Variants in ANKFN1 observed in about 807,000 individuals in gnomAD.
ANKFN1 encodes the protein ankyrin repeat and fibronectin type III domain containing 1.
ANKFN1 carries 74 observed loss-of-function variants against 108.7 expected under a neutral mutation model. The observed-to-expected ratio is 0.68, with a 90% CI of 0.56 to 0.83. The LOEUF (loss-of-function observed/expected upper bound fraction) is 0.83, where lower values mean the gene tolerates loss of function less well. Among genes scored for constraint, ANKFN1 ranks in the 40% least tolerant of loss-of-function variants. ANKFN1 has a pLI of 0.00. For synonymous variants in ANKFN1, 547 were observed against 516.2 expected (o/e 1.06, Z -0.81); for missense variants, 1,505 against 1,382.3 (o/e 1.09, Z -1.41).
intron 1 of ANKFN1, among the ~76,000 whole-genome samples, chr17:56,206,210 A>G (rs914098018): frequency 6.6e-6 from 1 of 152,130 alleles, no homozygotes; most frequent in Non-Finnish European, 1.5e-5. Context: ...TTTTGTCTGT[A>G]TATAGTATTT....
intron 14 of ANKFN1, among the ~76,000 whole-genome samples, chr17:56,465,247 C>T (rs533915247): frequency 6.6e-6 from 1 of 152,070 alleles, no homozygotes; most frequent in Admixed American, 6.5e-5. Flanking sequence ...ATTAGGCCAT[C>T]GCAAAAAAAT....
At position 56,354,015 on chromosome 17, in the gene ANKFN1, T is replaced by C. The variant is rs1446892600; in HGVS notation, c.570T>C (p.Leu190=). The C allele has an allele frequency of 2.5e-6, 4 of 1,613,842 alleles. No homozygotes were observed. Among genetic ancestry groups the C allele is most frequent in the Non-Finnish European group, 3.4e-6 (4 of 1,179,962 alleles). Residue 190 remains leucine (L), a synonymous_variant, in exon 6 of 21, where the codon CTT becomes CTC. Transcript: ENST00000682825. The part of the protein sequence containing the change: ...MTNNVPIARI[L]LRTGARESPH... ...ACAATGTGCCCATTGCAAGGATTCT[T>C]CTGAGGACAGGGGCCCGAGAAAGTC...
chr17:56,265,318 C>A (rs2043620558), intron 3 of ANKFN1, among the ~76,000 whole-genome samples: 2 of 152,166 alleles, frequency 1.3e-5, no homozygotes, highest in Admixed American at 1.3e-4. Flanking sequence ...GGGAAGCAAG[C>A]ACCTTCTTCA....
At chr17:56,069,495 T>TTGTCACA (rs1905096560) in intron 4 of ANKFN1, among the ~76,000 whole-genome samples, 1 of 152,192 alleles carries the variant, frequency 6.6e-6, no homozygotes, top group Non-Finnish European at 1.5e-5. Flanking sequence ...AACCACTGAA[T>TTGTCACA]GAGGTTATAT....
intron 3 of ANKFN1, among the ~76,000 whole-genome samples, chr17:56,232,765 T>G (rs1197166937): frequency 6.6e-6 from 1 of 152,106 alleles, no homozygotes; most frequent in Non-Finnish European, 1.5e-5. Context: ...ATTAACTCAA[T>G]CAACAGAATC....
At chr17:56,456,382 C>A (rs975031856) in intron 11 of ANKFN1, among the ~76,000 whole-genome samples, 21 of 150,678 alleles carry the variant, frequency 1.4e-4, no homozygotes, top group African/African-American at 5.1e-4. Context: ...TCTCAAGATA[C>A]CAGAGCTTCT....
At chr17:56,123,422 T>C (rs544231455) in intron 4 of ANKFN1, among the ~76,000 whole-genome samples, 1 of 152,178 alleles carries the variant, frequency 6.6e-6, no homozygotes, top group Admixed American at 6.5e-5. Context: ...CAGAACCATC[T>C]GGTGGGTCAG....
intron 4 of ANKFN1, among the ~76,000 whole-genome samples, chr17:56,124,713 C>T (rs1906823637): frequency 6.6e-6 from 1 of 152,182 alleles, no homozygotes; most frequent in South Asian, 2.1e-4. Flanking sequence ...TCACTCTGCC[C>T]CTTGGATGGA....
chr17:56,488,134 G>T (rs2050912945), intron 18 of ANKFN1, among the ~76,000 whole-genome samples: 1 of 152,158 alleles, frequency 6.6e-6, no homozygotes, highest in Non-Finnish European at 1.5e-5. Context: ...GCTCATGGAG[G>T]ACTGATTGCA....
intron 4 of ANKFN1, among the ~76,000 whole-genome samples, chr17:56,342,109 T>C (rs1177758965): frequency 6.6e-6 from 1 of 152,096 alleles, no homozygotes; most frequent in Non-Finnish European, 1.5e-5. Context: ...GTTTATCATA[T>C]TCTCTGATAG....
chr17:56,441,188 G>C (rs534100594), intron 9 of ANKFN1, among the ~76,000 whole-genome samples: 2 of 152,146 alleles, frequency 1.3e-5, no homozygotes, highest in South Asian at 2.1e-4. Context: ...TATTTTAAAA[G>C]TAAAATTAAA....
rs1395002705 is a variant in ANKFN1 at position 56,384,430 on chromosome 17, G to T, written c.910+9716G>T. Among the ~76,000 whole-genome samples, 10 of 152,200 alleles carry T rather than the reference G, an allele frequency of 6.6e-5. 1 individual carries two copies. The highest frequency in any genetic ancestry group is 5.9e-4 in the Admixed American group (9 of 15,270). On this transcript the variant is annotated intron_variant, in intron 8 of 20. Coordinates refer to ENST00000682825, the MANE Select transcript of ANKFN1 (RefSeq NM_001370326.1). ...TTGAAAACTGGCACAAGACAGGGAT[G>T]CCCTCTCACCACTCCTATTCAACAT... is the stretch of plus-strand genomic sequence containing the variant.
At chr17:56,216,110 T>C (rs926278297) in intron 2 of ANKFN1, among the ~76,000 whole-genome samples, 1 of 152,240 alleles carries the variant, frequency 6.6e-6, no homozygotes, top group African/African-American at 2.4e-5. Flanking sequence ...TGGGGCTTTT[T>C]TCCCCCAAAT....
intron 4 of ANKFN1, among the ~76,000 whole-genome samples, chr17:56,126,543 G>A (rs187393998): frequency 6.6e-4 from 101 of 152,104 alleles, no homozygotes; most frequent in Admixed American, 6.1e-3. Flanking sequence ...TGCTGGCGTC[G>A]GCCACAGAAT....
At chr17:56,064,795 T>C (rs1037673348) in intron 4 of ANKFN1, among the ~76,000 whole-genome samples, 2 of 152,230 alleles carry the variant, frequency 1.3e-5, no homozygotes, top group African/African-American at 4.8e-5. Flanking sequence ...AGATTCCAGC[T>C]GAGAGGATGT....
At chr17:56,408,658 C>T (rs188550256) in intron 8 of ANKFN1, among the ~76,000 whole-genome samples, 2 of 152,206 alleles carry the variant, frequency 1.3e-5, no homozygotes, top group Non-Finnish European at 2.9e-5. Context: ...TTTCTGTTAC[C>T]TATTTCAAAT....
intron 8 of ANKFN1, among the ~76,000 whole-genome samples, chr17:56,418,049 A>T (rs140572641): frequency 6.6e-6 from 1 of 152,172 alleles, no homozygotes; most frequent in Non-Finnish European, 1.5e-5. Flanking sequence ...CTACTATCCA[A>T]TAGAAATCGT....
intron 4 of ANKFN1, among the ~76,000 whole-genome samples, chr17:56,074,979 G>C (rs1313061888): frequency 1.3e-5 from 2 of 152,262 alleles, no homozygotes. Flanking sequence ...AACCTTGTCA[G>C]GTAAAGCAAG....
At chr17:56,241,201 G>C (rs1052598695) in intron 3 of ANKFN1, among the ~76,000 whole-genome samples, 28 of 152,076 alleles carry the variant, frequency 1.8e-4, no homozygotes, top group Non-Finnish European at 2.4e-4. Context: ...TTGAGCCTAA[G>C]AGTTCAAGTC....
Sources: allele counts gnomAD v4.1 joint callset (sites outside exome capture counted in the v4.1 genomes callset), GRCh38; gene constraint gnomAD v4.1.1; transcripts MANE v1.5; gene names NCBI Gene and HGNC (gene_info 2026-07-23, HGNC 2026-07-21).